Variants in RNF139 observed in about 807,000 individuals in gnomAD.
The protein encoded by RNF139 is E3 ubiquitin-protein ligase RNF139.
Under a neutral mutation model 49.5 loss-of-function variants are expected in RNF139, and 15 were observed. The observed-to-expected ratio is 0.30, with a 90% CI of 0.20 to 0.47. RNF139 has a LOEUF of 0.47. Ranked by LOEUF, RNF139 falls within the 20% of genes least tolerant of loss-of-function variation. The pLI, the probability that RNF139 is intolerant of heterozygous loss-of-function variation, is 1.00. For missense variants in RNF139, 619 were observed against 806.3 expected, an observed-to-expected ratio of 0.77 and a Z score of 2.81; for synonymous variants, 325 against 300.9, an observed-to-expected ratio of 1.08 and a Z score of -0.83.
rs756629665 is a variant in RNF139 at position 124,487,353 on chromosome 8, T to C, written c.1704T>C (p.His568=). 39 of 1,614,064 alleles carry C rather than the reference T, an allele frequency of 2.4e-5. No individual in the cohort carries two copies. The highest frequency in any genetic ancestry group is 3.1e-5 in the Non-Finnish European group (37 of 1,180,006). The stretch of plus-strand genomic sequence containing the variant: ...TTACACCGTGTAATCATTATTTCCA[T>C]GCACTTTGCCTTCGGAAATGGCTGT... ...ARITPCNHYF[H]ALCLRKWLYI... Residue 568 remains histidine (H), a synonymous_variant, in exon 2 of 2, where the codon CAT becomes CAC. Transcript: ENST00000303545.
intron 1 of RNF139, among the ~76,000 whole-genome samples, chr8:124,477,859 G>A (rs35419095): frequency 0.1 from 15,758 of 152,092 alleles, 913 homozygotes; most frequent in Non-Finnish European, 0.14. Flanking sequence ...GGTGGGAAAA[G>A]GCTTTAAACA....
chr8:124,487,610 C>A lies in RNF139; in HGVS notation c.1961C>A (p.Ala654Glu). 2 of 1,607,706 alleles carry A rather than the reference C, an allele frequency of 1.2e-6. No homozygotes were observed. The change falls in exon 2 of 2, where the codon GCA (alanine) becomes GAA (glutamate). Residue 654 changes from alanine (A) to glutamate (E), a missense_variant. Physicochemically the swap from Ala to Glu is moderately radical, Grantham distance 107. Around this residue, in one of 2 missense-constraint regions of RNF139, gnomAD observed 530 missense variants for 728.9 expected, o/e 0.73. Coordinates refer to ENST00000303545, the MANE Select transcript of RNF139 (RefSeq NM_007218.4). ...AATGGAGTGATTCAGCACACAGGCG[C>A]AGCAGCTGAAGAATTTAATGATGAT... ...ERNGVIQHTG[A>E]AAEEFNDDTD
intron 1 of RNF139, among the ~76,000 whole-genome samples, chr8:124,482,963 A>G (rs1345641590): frequency 9.2e-6 from 1 of 108,646 alleles, no homozygotes; most frequent in Admixed American, 1.3e-4. Flanking sequence ...TATATAATAT[A>G]TATATATTAT....
intron 1 of RNF139, among the ~76,000 whole-genome samples, chr8:124,480,865 C>A (rs960438065): frequency 6.6e-6 from 1 of 152,006 alleles, no homozygotes. Flanking sequence ...TCCAGAGATT[C>A]CAAGGATTTT....
chr8:124,486,966 T>C lies in RNF139; in HGVS notation c.1317T>C (p.Thr439=), dbSNP rs766942040. The change falls in exon 2 of 2, where the codon ACT becomes ACC. Residue 439 remains threonine (T), a synonymous_variant. Coordinates refer to ENST00000303545, the MANE Select transcript of RNF139 (RefSeq NM_007218.4). ...GCTTAAAAGTAATTGTTTCTCTCAC[T>C]GTTTATACGTTATTCATGATTGATG... ...ELCLKVIVSL[T]VYTLFMIDGY... is the part of the protein sequence containing the mutation. 4.6e-5 allele frequency: 75 copies of C among 1,613,980 alleles called. No homozygotes were observed. In the Middle Eastern group the frequency reaches 8.2e-4, roughly 18 times the overall value.
chr8:124,486,415 A>C lies in RNF139; in HGVS notation c.766A>C (p.Ile256Leu), dbSNP rs1816530555. 6.2e-7 allele frequency: 1 copy of C among 1,614,200 alleles called. No individual in the cohort carries two copies. Among genetic ancestry groups the C allele is most frequent in the Non-Finnish European group, 8.5e-7 (1 of 1,180,032 alleles). Reference sequence around the variant, plus strand: ...AGCTCAGGCTACAGTGTTAATGTACATCTTAAGGATGGCAAATGAAACTGA... The same window carrying C: ...AGCTCAGGCTACAGTGTTAATGTACCTCTTAAGGATGGCAAATGAAACTGA... ...VTAQATVLMY[I>L]LRMANETDSF... is the part of the protein sequence containing the mutation. Residue 256 changes from isoleucine to leucine, a missense_variant, in exon 2 of 2, where the codon ATC (isoleucine) becomes CTC (leucine). By Grantham distance (5) the Ile-to-Leu change is conservative. Coordinates refer to ENST00000303545, the MANE Select transcript of RNF139 (RefSeq NM_007218.4).
intron 1 of RNF139, among the ~76,000 whole-genome samples, chr8:124,485,346 A>AG (rs1450254567): frequency 3.9e-5 from 6 of 152,248 alleles, no homozygotes; most frequent in Admixed American, 3.9e-4. Flanking sequence ...CCTGGGCAAC[A>AG]GAGTGAGACT....
intron 1 of RNF139, among the ~76,000 whole-genome samples, chr8:124,482,964 TATATATTATTTA>T: frequency 9.4e-6 from 1 of 106,556 alleles, no homozygotes; most frequent in African/African-American, 3.7e-5. Context: ...ATATAATATA[TATATATTATTTA>T]AATATATATA....
chr8:124,487,236 T>A lies in RNF139; in HGVS notation c.1587T>A (p.Ile529=). The A allele has an allele frequency of 6.2e-7, 1 of 1,613,838 alleles. No homozygotes were observed. The highest frequency in any genetic ancestry group is 8.5e-7 in the Non-Finnish European group (1 of 1,179,932). Residue 529 remains isoleucine, a synonymous_variant, in exon 2 of 2, where the codon ATT becomes ATA. Coordinates refer to ENST00000303545, the MANE Select transcript of RNF139 (RefSeq NM_007218.4). ...ATCGTAGGACTGCTGTGAAGAAAATTAATTCACTTCCTGAAATAAAAGGGA... is the reference window on the plus strand; with the variant it reads ...ATCGTAGGACTGCTGTGAAGAAAATAAATTCACTTCCTGAAATAAAAGGGA... The part of the protein sequence containing the change: ...FMNRRTAVKK[I]NSLPEIKGSR...
At position 124,475,212 on chromosome 8, in the gene RNF139, G is replaced by T. The variant is rs1332624387; in HGVS notation, c.103G>T (p.Asp35Tyr). The change falls in exon 1 of 2, where the codon GAC becomes TAC. Residue 35 changes from aspartate (D) to tyrosine (Y), a missense_variant. By Grantham distance (160) the Asp-to-Tyr change is radical. Coordinates refer to ENST00000303545, the MANE Select transcript of RNF139 (RefSeq NM_007218.4). Reference sequence around the variant, plus strand: ...CCGGGTGCCCTGCCTTTACATCATCGACGCCATCTTCAACTCCTACCCGGA... The same window carrying T: ...CCGGGTGCCCTGCCTTTACATCATCTACGCCATCTTCAACTCCTACCCGGA... ...ALRVPCLYII[D>Y]AIFNSYPDSS... The T allele has an allele frequency of 1.2e-6, 2 of 1,613,844 alleles. No homozygotes were observed. Among genetic ancestry groups the T allele is most frequent in the Non-Finnish European group, 1.7e-6 (2 of 1,179,890 alleles).
At chr8:124,478,837 A>C (rs1586521377) in intron 1 of RNF139, among the ~76,000 whole-genome samples, 1 of 150,038 alleles carries the variant, frequency 6.7e-6, no homozygotes. Flanking sequence ...CTCCGGCCTC[A>C]GCCTCCCGAG....
chr8:124,482,030 CAT>C (rs1816421315), intron 1 of RNF139, among the ~76,000 whole-genome samples: 1 of 152,020 alleles, frequency 6.6e-6, no homozygotes, highest in Non-Finnish European at 1.5e-5. Flanking sequence ...TTAAAACAAA[CAT>C]ATACTATTCT....
intron 1 of RNF139, 39 bp from the exon 2 acceptor site, chr8:124,485,792 A>C (rs1021477296): frequency 6.7e-7 from 1 of 1,492,702 alleles, no homozygotes; most frequent in Non-Finnish European, 9.1e-7. Context: ...CATTCTTACA[A>C]ATACTTCATT....
At chr8:124,477,014 C>T (rs1030565603) in intron 1 of RNF139, among the ~76,000 whole-genome samples, 1 of 152,098 alleles carries the variant, frequency 6.6e-6, no homozygotes, top group Non-Finnish European at 1.5e-5. Flanking sequence ...GCTTTGGTTT[C>T]TTATTTTTAC....
Position 124,488,276 on chromosome 8 carries a change from A to G in RNF139, c.*632A>G, listed in dbSNP as rs1255642649. 6.6e-6 allele frequency among the ~76,000 whole-genome samples: 1 copy of G among 152,174 alleles called. No individual in the cohort carries two copies. Among genetic ancestry groups the G allele is most frequent in the East Asian group, 1.9e-4 (1 of 5,200 alleles). On this transcript the variant is annotated 3_prime_UTR_variant, in exon 2 of 2. Coordinates refer to ENST00000303545, the MANE Select transcript of RNF139 (RefSeq NM_007218.4). ...CTTTGATATAAACCAGAATGTGCTAAATGTTTTTTATGTAAAATTGTATAT... is the reference window on the plus strand; with the variant it reads ...CTTTGATATAAACCAGAATGTGCTAGATGTTTTTTATGTAAAATTGTATAT...
rs1816524477 is a variant in RNF139 at position 124,486,161 on chromosome 8, C to T, written c.512C>T (p.Pro171Leu). 1.9e-6 allele frequency: 3 copies of T among 1,613,968 alleles called. No individual in the cohort carries two copies. The highest frequency in any genetic ancestry group is 2.5e-6 in the Non-Finnish European group (3 of 1,179,956). ...GTAATAGGCTTAATCACAGAGCTACCATTACACATCAGAGAGACTTTACTG... is the reference window on the plus strand; with the variant it reads ...GTAATAGGCTTAATCACAGAGCTACTATTACACATCAGAGAGACTTTACTG... ...VPVIGLITELPLHIRETLLFT... is the reference protein window; with the variant it reads ...VPVIGLITELLLHIRETLLFT... The change falls in exon 2 of 2, where the codon CCA (proline) becomes CTA (leucine). Residue 171 changes from proline (P) to leucine (L), a missense_variant. Physicochemically the swap from Pro to Leu is moderately conservative, Grantham distance 98. Transcript: ENST00000303545.
At chr8:124,480,748 A>G (rs1398252887) in intron 1 of RNF139, among the ~76,000 whole-genome samples, 1 of 151,912 alleles carries the variant, frequency 6.6e-6, no homozygotes, top group Non-Finnish European at 1.5e-5. Context: ...CAAAGTTATA[A>G]CCCTTAATCA....
At chr8:124,480,404 T>TAAA (rs34661621) in intron 1 of RNF139, among the ~76,000 whole-genome samples, 11 of 89,056 alleles carry the variant, frequency 1.2e-4, no homozygotes, top group African/African-American at 1.6e-4. Flanking sequence ...ACTCCATCAC[T>TAAA]AAAAAAAAAA....
intron 1 of RNF139, chr8:124,483,205 T>G (rs1339462583): frequency 7.7e-6 from 1 of 129,186 alleles, no homozygotes; most frequent in Admixed American, 8.4e-5. Flanking sequence ...TGGTTTGTAT[T>G]TAGAGGTTTA....
Sources: gnomAD v4.1 joint callset for allele counts (sites outside exome capture counted in the v4.1 genomes callset) on GRCh38, gnomAD v4.1.1 for gene constraint, gnomAD v4.1.1 regional missense constraint, MANE v1.5 for transcripts, NCBI Gene and HGNC (gene_info 2026-07-23, HGNC 2026-07-21) for gene names.